Variants in ZNF571 observed in about 807,000 individuals in gnomAD.
The protein encoded by ZNF571 is zinc finger protein 571.
ZNF571 carries 4 observed loss-of-function variants against 7.7 expected under a neutral mutation model. The ratio of observed to expected loss-of-function variants is 0.52; its 90% CI spans 0.25 to 1.18. ZNF571 has a LOEUF of 1.18. ZNF571 is among the 50% of genes most tolerant of loss of function. The pLI, the probability that ZNF571 is intolerant of heterozygous loss-of-function variation, is 0.14. For missense variants in ZNF571, 704 were observed against 726.9 expected, an observed-to-expected ratio of 0.97 and a Z score of 0.36; for synonymous variants, 251 against 232.4, an observed-to-expected ratio of 1.08 and a Z score of -0.73.
At chr19:37,581,470 T>C (rs141251030) in intron 3 of ZNF571, among the ~76,000 whole-genome samples, 2,408 of 149,968 alleles carry the variant, frequency 0.016, 27 homozygotes, top group Middle Eastern at 0.037. Flanking sequence ...TTCTTTCTTT[T>C]TTTTTTTTTT....
Position 37,584,110 on chromosome 19 carries a change from A to C in ZNF571, c.10-13T>G. Reference sequence around the variant, plus strand: ...AAGTCACCAACAACTGAAACAACAAATCCATTACAGGATGATTCTACAGGA... The same window carrying C: ...AAGTCACCAACAACTGAAACAACAACTCCATTACAGGATGATTCTACAGGA... On this transcript the variant is annotated splice_polypyrimidine_tract_variant and intron_variant, in intron 2 of 3. Transcript: ENST00000451802. 6.2e-7 allele frequency: 1 copy of C among 1,613,814 alleles called. No homozygotes were observed. The highest frequency in any genetic ancestry group is 1.1e-5 in the South Asian group (1 of 91,080).
chr19:37,587,355 ATT>A (rs1447841909), intron 1 of ZNF571: 1 of 152,174 alleles, frequency 6.6e-6, no homozygotes, highest in East Asian at 1.9e-4. Context: ...CAAAGTCTGG[ATT>A]TGTTTTTTTA....
intron 2 of ZNF571, chr19:37,585,348 T>G (rs1264055729): frequency 2.6e-5 from 4 of 152,176 alleles, no homozygotes; most frequent in African/African-American, 7.2e-5. Context: ...GATTATTCAG[T>G]AAGAACAGTC....
intron 3 of ZNF571, chr19:37,575,447 TATTG>T (rs2043210818): frequency 1.3e-5 from 2 of 152,336 alleles, no homozygotes; most frequent in Admixed American, 6.5e-5. Flanking sequence ...GACATGAAAT[TATTG>T]ATTATTCACA....
intron 2 of ZNF571, among the ~76,000 whole-genome samples, chr19:37,584,929 A>C (rs1317730150): frequency 6.9e-6 from 1 of 145,596 alleles, no homozygotes; most frequent in African/African-American, 2.6e-5. Context: ...GCGCCACTGC[A>C]CTCCCGCCTG....
intron 3 of ZNF571, among the ~76,000 whole-genome samples, chr19:37,574,192 C>T (rs978019568): frequency 2.6e-5 from 4 of 152,176 alleles, no homozygotes; most frequent in Admixed American, 2.0e-4. Context: ...ATATGCCTTT[C>T]CTTAAAGGCT....
chr19:37,572,993 C>A (rs115066343), intron 3 of ZNF571, among the ~76,000 whole-genome samples: 6 of 152,142 alleles, frequency 3.9e-5, no homozygotes, highest in Admixed American at 3.9e-4. Flanking sequence ...GTACTAGTAG[C>A]TTCTTTCATC....
intron 3 of ZNF571, among the ~76,000 whole-genome samples, chr19:37,572,894 GAAAT>G (rs1764957101): frequency 6.8e-6 from 1 of 148,032 alleles, no homozygotes; most frequent in Non-Finnish European, 1.5e-5. Flanking sequence ...TTCAGGGCAA[GAAAT>G]AATTATTTCA....
At chr19:37,589,882 A>AAAAAAAAAAAAAC in intron 1 of ZNF571, among the ~76,000 whole-genome samples, 2 of 149,602 alleles carry the variant, frequency 1.3e-5, no homozygotes, top group African/African-American at 2.4e-5. Flanking sequence ...AAAAAAAAAA[A>AAAAAAAAAAAAAC]AAAAAGCACA....
intron 1 of ZNF571, among the ~76,000 whole-genome samples, chr19:37,593,272 A>C (rs1416718651): frequency 6.6e-6 from 1 of 152,218 alleles, no homozygotes; most frequent in Non-Finnish European, 1.5e-5. Flanking sequence ...GGTATTTACA[A>C]ATGTTTTTAA....
chr19:37,568,046 A>G (rs558819646), intron 3 of ZNF571, among the ~76,000 whole-genome samples: 10 of 152,212 alleles, frequency 6.6e-5, no homozygotes, highest in Admixed American at 2.0e-4. Context: ...TTTACACAAT[A>G]AAGATCTTAT....
rs564068756 is a variant in ZNF571 at position 37,565,091 on chromosome 19, G to T, written c.1337C>A (p.Pro446His). The change falls in exon 4 of 4, where the codon CCC becomes CAC. Residue 446 changes from proline (P) to histidine (H), a missense_variant. Physicochemically the swap from Pro to His is moderately conservative, Grantham distance 77. Coordinates refer to ENST00000451802, the MANE Select transcript of ZNF571 (RefSeq NM_016536.5). ...CTTTCCACATTCCTTACATTCAAAG[G>T]GTTTCTCACCTGTATGAATTCTCTG... ...EHQRIHTGEK[P>H]FECKECGKAF... 6.2e-7 allele frequency: 1 copy of T among 1,613,092 alleles called. No homozygotes were observed. Among genetic ancestry groups the T allele is most frequent in the East Asian group, 2.2e-5 (1 of 44,866 alleles).
intron 2 of ZNF571, chr19:37,585,162 G>A (rs2043626115): frequency 6.6e-6 from 1 of 152,150 alleles, no homozygotes; most frequent in African/African-American, 2.4e-5. Context: ...AAATCCCAAG[G>A]TGAACTTGAC....
chr19:37,570,884 T>C (rs2082965789), intron 3 of ZNF571, among the ~76,000 whole-genome samples: 1 of 151,748 alleles, frequency 6.6e-6, no homozygotes, highest in Admixed American at 6.5e-5. Flanking sequence ...ACCAAAAGCA[T>C]ATGTAGAAGC....
Position 37,565,597 on chromosome 19 carries a change from T to C in ZNF571, c.831A>G (p.Lys277=). 3 of 1,613,318 alleles carry C rather than the reference T, an allele frequency of 1.9e-6. No homozygotes were observed. The highest frequency in any genetic ancestry group is 2.5e-6 in the Non-Finnish European group (3 of 1,179,776). Residue 277 remains lysine (K), a synonymous_variant, in exon 4 of 4, where the codon AAA becomes AAG. Transcript: ENST00000451802. ...TCCCACAATCCTTACATTCATAGGG[T>C]TTTTCACCACTATGAATTCTCTGAT... is the stretch of plus-strand genomic sequence containing the variant. The part of the protein sequence containing the change: ...TLHQRIHSGE[K]PYECKDCGKA...
intron 1 of ZNF571, among the ~76,000 whole-genome samples, chr19:37,588,240 C>T (rs1473032568): frequency 6.7e-6 from 1 of 148,758 alleles, no homozygotes; most frequent in Non-Finnish European, 1.5e-5. Context: ...AATAAAAGTA[C>T]AAGTATGAAA....
intron 2 of ZNF571, among the ~76,000 whole-genome samples, chr19:37,584,445 AATAC>A (rs1170091475): frequency 6.6e-6 from 1 of 152,246 alleles, no homozygotes; most frequent in Non-Finnish European, 1.5e-5. Flanking sequence ...ACTCTCAATT[AATAC>A]AAGTTCTTGC....
At chr19:37,579,356 G>A (rs980446681) in intron 3 of ZNF571, among the ~76,000 whole-genome samples, 1 of 152,138 alleles carries the variant, frequency 6.6e-6, no homozygotes, top group Non-Finnish European at 1.5e-5. Context: ...TTTCCCCCAG[G>A]GCCTGAGGTC....
intron 3 of ZNF571, among the ~76,000 whole-genome samples, chr19:37,576,859 G>C (rs1412747051): frequency 3.3e-5 from 5 of 151,968 alleles, no homozygotes; most frequent in Non-Finnish European, 7.4e-5. Flanking sequence ...ATTCACCAGA[G>C]TACTACCAGC....
Sources: gnomAD v4.1 joint callset for allele counts (sites outside exome capture counted in the v4.1 genomes callset) on GRCh38, gnomAD v4.1.1 for gene constraint, MANE v1.5 for transcripts, NCBI Gene and HGNC (gene_info 2026-07-23, HGNC 2026-07-21) for gene names.